PRELID2: variants seen among roughly 807,000 people sequenced by gnomAD.
PRELID2 encodes PRELI domain containing 2.
In PRELID2, 25 loss-of-function variants were observed where a neutral mutation model predicts 28.4. That is an observed-to-expected ratio of 0.88 (90% CI 0.64 to 1.23). PRELID2 has a LOEUF of 1.23. Ranked by LOEUF, PRELID2 falls within the 50% of genes most tolerant of loss-of-function variation. PRELID2 has a pLI of 0.00. For missense variants in PRELID2, 201 were observed against 214.4 expected (o/e 0.94, Z 0.39); for synonymous variants, 76 against 71.6 (o/e 1.06, Z -0.31).
At chr5:145,449,235 A>G in the PRELID2 span, among the ~76,000 whole-genome samples, 1 of 152,132 alleles carries the variant, frequency 6.6e-6, no homozygotes, top group Non-Finnish European at 1.5e-5. Flanking sequence ...TGAGATGGCC[A>G]GGTGGGAAGG....
At chr5:145,262,223 T>A in the PRELID2 span, among the ~76,000 whole-genome samples, 1 of 151,926 alleles carries the variant, frequency 6.6e-6, no homozygotes, top group African/African-American at 2.4e-5. Flanking sequence ...AATCTAAGAA[T>A]AATTGGTGTT....
At chr5:145,439,914 A>C in the PRELID2 span, among the ~76,000 whole-genome samples, 1 of 151,906 alleles carries the variant, frequency 6.6e-6, no homozygotes, top group African/African-American at 2.4e-5. Context: ...AAACTCCAAA[A>C]TCTCCCTGTT....
intron 1 of PRELID2, among the ~76,000 whole-genome samples, chr5:145,605,610 G>A (rs1367674923): frequency 6.6e-6 from 1 of 152,066 alleles, no homozygotes; most frequent in Non-Finnish European, 1.5e-5. Context: ...GTAACATGAT[G>A]GCTCTAGCTT....
chr5:145,526,096 G>C (rs1463632159), intron 1 of PRELID2, among the ~76,000 whole-genome samples: 1 of 152,156 alleles, frequency 6.6e-6, no homozygotes, highest in East Asian at 1.9e-4. Flanking sequence ...AGCTATAAAA[G>C]CCAGTCATTA....
intron 1 of PRELID2, among the ~76,000 whole-genome samples, chr5:145,619,817 A>C (rs1448890542): frequency 6.6e-6 from 1 of 152,234 alleles, no homozygotes; most frequent in East Asian, 1.9e-4. Context: ...GAAAATGGTC[A>C]TAAAGCATAT....
At chr5:145,480,553 T>C (rs1205721951) in intron 1 of PRELID2, among the ~76,000 whole-genome samples, 1 of 151,812 alleles carries the variant, frequency 6.6e-6, no homozygotes, top group Non-Finnish European at 1.5e-5. Flanking sequence ...AAATTACATT[T>C]ACCCTACATT....
the PRELID2 span, among the ~76,000 whole-genome samples, chr5:145,369,122 C>T: frequency 6.6e-6 from 1 of 151,840 alleles, no homozygotes; most frequent in African/African-American, 2.4e-5. Context: ...TAGCTCCATC[C>T]ATATTCCTGT....
At chr5:145,632,331 T>C (rs1753944592) in intron 1 of PRELID2, among the ~76,000 whole-genome samples, 1 of 152,220 alleles carries the variant, frequency 6.6e-6, no homozygotes. Context: ...CTCATACCCT[T>C]TCACCTGGTT....
the PRELID2 span, among the ~76,000 whole-genome samples, chr5:145,300,700 C>CTTT: frequency 4.1e-3 from 531 of 128,374 alleles, 6 homozygotes; most frequent in Non-Finnish European, 6.7e-3. Context: ...TTTTTATTTA[C>CTTT]TTTTTTTTTT....
intron 1 of PRELID2, among the ~76,000 whole-genome samples, chr5:145,599,871 T>C (rs1336219596): frequency 1.3e-5 from 2 of 152,188 alleles, no homozygotes; most frequent in Non-Finnish European, 2.9e-5. Flanking sequence ...TCCATTTTCC[T>C]AGCCCCTCAA....
At chr5:145,336,947 C>T in the PRELID2 span, among the ~76,000 whole-genome samples, 1 of 118,814 alleles carries the variant, frequency 8.4e-6, no homozygotes, top group Admixed American at 1.2e-4. Flanking sequence ...GAACATCACA[C>T]TCTGGGGACT....
chr5:145,737,431 A>AC (rs1165303825), intron 1 of PRELID2, among the ~76,000 whole-genome samples: 2 of 152,142 alleles, frequency 1.3e-5, no homozygotes, highest in African/African-American at 4.8e-5. Flanking sequence ...TTATTTAAAA[A>AC]AAAAACAAAA....
intron 1 of PRELID2, among the ~76,000 whole-genome samples, chr5:145,692,332 C>G (rs1420826273): frequency 6.6e-6 from 1 of 151,906 alleles, no homozygotes; most frequent in Non-Finnish European, 1.5e-5. Context: ...TTTTGTCCAG[C>G]CAATTCTACA....
In PRELID2 at chr5:145,627,252, G is replaced by T. The variant is rs1340649241; in HGVS notation, n.70+137679C>A. Among the ~76,000 whole-genome samples the T allele has an allele frequency of 2.7e-5, 4 of 149,774 alleles. 1 individual carries two copies. Among genetic ancestry groups the T allele is most frequent in the Admixed American group, 1.3e-4 (2 of 14,942 alleles). ...TGGAGGCCATTATCTTTAATGAAAT[G>T]ATTCAGAAACATAAAGTCAAAAACC... is the stretch of plus-strand genomic sequence containing the variant. On this transcript the variant is annotated intron_variant and non_coding_transcript_variant, in intron 1 of 2. Coordinates refer to the PRELID2 transcript ENST00000510259.
At chr5:145,585,205 T>G (rs762026457) in intron 1 of PRELID2, among the ~76,000 whole-genome samples, 3 of 152,160 alleles carry the variant, frequency 2.0e-5, no homozygotes, top group Non-Finnish European at 4.4e-5. Flanking sequence ...AAACACCACA[T>G]GTTCTCACTT....
chr5:145,265,840 C>T, the PRELID2 span, among the ~76,000 whole-genome samples: 1 of 152,126 alleles, frequency 6.6e-6, no homozygotes, highest in Non-Finnish European at 1.5e-5. Context: ...AAATCTAAGA[C>T]CTGAAACCAT....
chr5:145,428,833 G>A, the PRELID2 span, among the ~76,000 whole-genome samples: 1 of 152,194 alleles, frequency 6.6e-6, no homozygotes, highest in Non-Finnish European at 1.5e-5. Context: ...CTATCAGGAG[G>A]AAGAGCATTC....
chr5:145,479,585 T>C (rs1371517822), intron 1 of PRELID2, among the ~76,000 whole-genome samples: 2 of 152,222 alleles, frequency 1.3e-5, no homozygotes, highest in Non-Finnish European at 2.9e-5. Context: ...CACAGTGTTT[T>C]CTTGTTCATT....
At chr5:145,556,817 A>G (rs1192076293) in intron 1 of PRELID2, among the ~76,000 whole-genome samples, 1 of 152,168 alleles carries the variant, frequency 6.6e-6, no homozygotes, top group Non-Finnish European at 1.5e-5. Flanking sequence ...CAGCACCACT[A>G]TGAATGCACT....
Sources: allele counts gnomAD v4.1 joint callset (sites outside exome capture counted in the v4.1 genomes callset), GRCh38; gene constraint gnomAD v4.1.1; transcripts MANE v1.5; gene names NCBI Gene and HGNC (gene_info 2026-07-23, HGNC 2026-07-21).